Variants in KLHL35 observed in about 807,000 individuals in gnomAD.
The protein encoded by KLHL35 is kelch-like protein 35.
A neutral mutation model predicts 44.0 loss-of-function variants in KLHL35; 50 were observed. The observed-to-expected ratio is 1.14, with a 90% CI of 0.91 to 1.44. KLHL35 has a LOEUF of 1.44. KLHL35 is among the 40% of genes most tolerant of loss of function. The pLI is 0.00. For synonymous variants in KLHL35, 470 were observed against 410.4 expected (o/e 1.15, Z -1.76); for missense variants, 1,049 against 887.8 (o/e 1.18, Z -2.31).
chr11:75,423,153 A>G, intron 6 of KLHL35: 1 of 216,564 alleles, frequency 4.6e-6, no homozygotes, highest in Non-Finnish European at 9.3e-6. Flanking sequence ...CTCAGACTCA[A>G]GCCAGAAATC....
chr11:75,432,857 A>AGAT (rs1326697912), intron 1 of KLHL35, among the ~76,000 whole-genome samples, 186 bp downstream of exon 1: 2 of 152,152 alleles, frequency 1.3e-5, no homozygotes, highest in African/African-American at 4.8e-5. Flanking sequence ...GTCATGATGC[A>AGAT]GATTGAAGGG....
At position 75,425,506 on chromosome 11, in the gene KLHL35, A is replaced by T; in HGVS notation, c.1261T>A (p.Trp421Arg). 6.4e-7 allele frequency: 1 copy of T among 1,562,878 alleles called. No individual in the cohort carries two copies. The highest frequency in any genetic ancestry group is 8.6e-7 in the Non-Finnish European group (1 of 1,162,378). Residue 421 changes from tryptophan (W) to arginine (R), a missense_variant, in exon 5 of 7, where the codon TGG becomes AGG. Transcript: ENST00000539798. ...VERYDPFSNT[W>R]AAAAPLPEAV... ...TCCGGGAGGGGCGCGGCGGCCGCCC[A>T]GGTGTTGGAGAAGGGGTCGTAGCGC...
At position 75,430,213 on chromosome 11, in the gene KLHL35, G is replaced by T; in HGVS notation, c.417C>A (p.Arg139=). 1 of 1,229,184 alleles carries T rather than the reference G, an allele frequency of 8.1e-7. No homozygotes were observed. Among genetic ancestry groups the T allele is most frequent in the Non-Finnish European group, 1.0e-6 (1 of 981,764 alleles). 76.1% of individuals were successfully genotyped at this position (1,229,184 alleles called of 1,614,324 possible). ...CCTCGAGAAAGCGCACGCAGGCCTC[G>T]CGCAGGCCCGCCACGCCCAGCCGCT... ...LAERLGVAGL[R]EACVRFLEGR... Residue 139 remains arginine (R), a synonymous_variant, in exon 2 of 7, where the codon CGC becomes CGA. Transcript: ENST00000539798.
chr11:75,429,694 G>C, intron 2 of KLHL35, 55 bp downstream of exon 2: 5 of 1,399,152 alleles, frequency 3.6e-6, no homozygotes, highest in Non-Finnish European at 4.6e-6. Flanking sequence ...ATGAATGAGC[G>C]GTGGAAGCAG....
chr11:75,430,551 C>G lies in KLHL35; in HGVS notation c.79G>C (p.Val27Leu). ...PCAGPCHAQR[V>L]LQALNAYRRS... ...CGGTAGGCGTTCAGGGCCTGCAGCA[C>G]GCGCTGCGCGTGGCACGGACCCGCG... The change falls in exon 2 of 7, where the codon GTG (valine) becomes CTG (leucine). Residue 27 changes from valine (V) to leucine (L), a missense_variant. Coordinates refer to ENST00000539798, the MANE Select transcript of KLHL35 (RefSeq NM_001039548.3). 1.4e-6 allele frequency: 2 copies of G among 1,457,332 alleles called. No individual in the cohort carries two copies. Among genetic ancestry groups the G allele is most frequent in the Non-Finnish European group, 9.0e-7 (1 of 1,110,004 alleles). The allele number at this position is 1,457,332 out of a possible 1,614,324, so 90.3% of individuals were successfully genotyped here.
At chr11:75,423,926 A>C in intron 5 of KLHL35, 46 bp from the exon 6 acceptor site, 6 of 1,417,134 alleles carry the variant, frequency 4.2e-6, no homozygotes, top group Non-Finnish European at 5.7e-6. Context: ...GCCCCCCCCA[A>C]CAAATGCCCC....
chr11:75,423,966 G>T, intron 5 of KLHL35, 86 bp from the exon 6 acceptor site: 3 of 1,077,960 alleles, frequency 2.8e-6, no homozygotes, highest in Non-Finnish European at 3.9e-6. Context: ...CTCTCCCCCC[G>T]GGGGCACTCA....
intron 3 of KLHL35, chr11:75,426,938 CAA>C: frequency 3.8e-6 from 1 of 265,962 alleles, no homozygotes; most frequent in Non-Finnish European, 7.4e-6. Flanking sequence ...CTCAGGAAAG[CAA>C]AGAGGGGGCC....
Position 75,430,056 on chromosome 11 carries a change from G to A in KLHL35, c.574C>T (p.Leu192=), listed in dbSNP as rs2135084632. The A allele has an allele frequency of 7.1e-7, 1 of 1,400,882 alleles. No individual in the cohort carries two copies. Among genetic ancestry groups the A allele is most frequent in the Non-Finnish European group, 9.3e-7 (1 of 1,078,864 alleles). 86.8% of individuals were successfully genotyped at this position (1,400,882 alleles called of 1,614,324 possible). Residue 192 remains leucine, a synonymous_variant, in exon 2 of 7, where the codon CTG becomes TTG. Coordinates refer to ENST00000539798, the MANE Select transcript of KLHL35 (RefSeq NM_001039548.3). ...FAEVARHADF[L]ELAPDEVVAL... is the part of the protein sequence containing the mutation. Reference sequence around the variant, plus strand: ...ACCACCTCGTCAGGCGCCAGCTCCAGGAAGTCGGCGTGGCGCGCCACCTCG... The same window carrying A: ...ACCACCTCGTCAGGCGCCAGCTCCAAGAAGTCGGCGTGGCGCGCCACCTCG...
chr11:75,430,352 C>G lies in KLHL35; in HGVS notation c.278G>C (p.Gly93Ala). The part of the protein sequence containing the change: ...PVVPVAPEAP[G>A]TSPAGAAAAL... ...CGCCGCCGCCCCGGCCGGGCTCGTG[C>G]CTGGCGCCTCGGGAGCTACTGGCAC... The change falls in exon 2 of 7, where the codon GGC becomes GCC. Residue 93 changes from glycine (G) to alanine (A), a missense_variant. Physicochemically the swap from Gly to Ala is moderately conservative, Grantham distance 60 (BLOSUM62 0). Transcript: ENST00000539798. The G allele has an allele frequency of 7.6e-7, 1 of 1,320,308 alleles. No individual in the cohort carries two copies. Among genetic ancestry groups the G allele is most frequent in the Non-Finnish European group, 9.7e-7 (1 of 1,033,382 alleles). The allele number at this position is 1,320,308 out of a possible 1,614,324, so 81.8% of individuals were successfully genotyped here. A position where few individuals can be genotyped will look rare whatever the true frequency, so the allele number is the denominator to read the frequency against.
intron 3 of KLHL35, chr11:75,426,884 G>A (rs889289760): frequency 2.9e-5 from 11 of 375,912 alleles, no homozygotes; most frequent in Non-Finnish European, 4.5e-5. Context: ...GCTGGTTTTC[G>A]CCGGGCACCT....
Position 75,430,361 on chromosome 11 carries a change from T to C in KLHL35, c.269A>G (p.Glu90Gly). The change falls in exon 2 of 7, where the codon GAG becomes GGG. Residue 90 changes from glutamate (E) to glycine (G), a missense_variant. Coordinates refer to ENST00000539798, the MANE Select transcript of KLHL35 (RefSeq NM_001039548.3). ...AVVPVVPVAP[E>G]APGTSPAGAA... ...CCCGGCCGGGCTCGTGCCTGGCGCC[T>C]CGGGAGCTACTGGCACCACTGGCAC... is the stretch of plus-strand genomic sequence containing the variant. 2 of 1,332,522 alleles carry C rather than the reference T, an allele frequency of 1.5e-6. No individual in the cohort carries two copies. The highest frequency in any genetic ancestry group is 1.7e-5 in the South Asian group (1 of 58,216). The allele number at this position is 1,332,522 out of a possible 1,614,324, so 82.5% of individuals were successfully genotyped here. A position where few individuals can be genotyped will look rare whatever the true frequency, so the allele number is the denominator to read the frequency against.
chr11:75,428,398 A>C, intron 3 of KLHL35, 44 bp downstream of exon 3: 1 of 1,603,844 alleles, frequency 6.2e-7, no homozygotes, highest in Middle Eastern at 1.7e-4. Context: ...TGCGGAGGCT[A>C]CTAGTCAATC....
rs1038906441 is a variant in KLHL35 at position 75,430,078 on chromosome 11, C to A, written c.552G>T (p.Glu184Asp). ...CGRVLRQAFA[E>D]VARHADFLEL... ...CCAGGAAGTCGGCGTGGCGCGCCAC[C>A]TCGGCGAAGGCCTGACGCAGGACGC... The change falls in exon 2 of 7, where the codon GAG becomes GAT. Residue 184 changes from glutamate to aspartate, a missense_variant. Transcript: ENST00000539798. The A allele has an allele frequency of 2.9e-6, 4 of 1,387,308 alleles. No individual in the cohort carries two copies. Among genetic ancestry groups the A allele is most frequent in the African/African-American group, 3.0e-5 (2 of 65,656 alleles). The allele number at this position is 1,387,308 out of a possible 1,614,324, so 85.9% of individuals were successfully genotyped here. A position where few individuals can be genotyped will look rare whatever the true frequency, so the allele number is the denominator to read the frequency against.
chr11:75,422,852 CT>C (rs1948461796), intron 6 of KLHL35, 84 bp from the exon 7 acceptor site: 2 of 1,291,436 alleles, frequency 1.5e-6, no homozygotes, highest in Admixed American at 1.8e-5. Context: ...ATAATAGAAC[CT>C]TGACCCACAG....
chr11:75,426,436 G>T, intron 4 of KLHL35, 84 bp downstream of exon 4: 1 of 891,348 alleles, frequency 1.1e-6, no homozygotes, highest in Non-Finnish European at 1.7e-6. Flanking sequence ...TTCTTACAAA[G>T]AGAGGGTTTT....
chr11:75,433,117 G>A lies in KLHL35; in HGVS notation c.-76C>T, dbSNP rs1280983060. ...TCACTCCCGTTTGTGCCTGCCGCCC[G>A]CACCCCTGGCAGCCCAAGCTCCAGT... On this transcript the variant is annotated 5_prime_UTR_variant, in exon 1 of 7. Coordinates refer to ENST00000539798, the MANE Select transcript of KLHL35 (RefSeq NM_001039548.3). Among the ~76,000 whole-genome samples, 1 of 152,150 alleles carries A rather than the reference G, an allele frequency of 6.6e-6. No homozygotes were observed. The highest frequency in any genetic ancestry group is 6.5e-5 in the Admixed American group (1 of 15,274).
intron 2 of KLHL35, among the ~76,000 whole-genome samples, chr11:75,429,233 T>C (rs1209598520): frequency 1.3e-5 from 2 of 152,176 alleles, no homozygotes; most frequent in African/African-American, 4.8e-5. Context: ...TAGCCATTGG[T>C]TTTCTAATTC....
chr11:75,425,410 C>A lies in KLHL35; in HGVS notation c.1357G>T (p.Gly453Cys), dbSNP rs770116809. The change falls in exon 5 of 7, where the codon GGC (glycine) becomes TGC (cysteine). Residue 453 changes from glycine to cysteine, a missense_variant. Transcript: ENST00000539798. ...LFVIGGARQG[G>C]VNTDKVQCFD... Reference sequence around the variant, plus strand: ...ACGCCCACCTTGTCCGTGTTGACGCCGCCCTGCCTGGCGCCCCCAATCACG... The same window carrying A: ...ACGCCCACCTTGTCCGTGTTGACGCAGCCCTGCCTGGCGCCCCCAATCACG... 5.1e-6 allele frequency: 8 copies of A among 1,558,120 alleles called. No homozygotes were observed. The highest frequency in any genetic ancestry group is 6.9e-6 in the Non-Finnish European group (8 of 1,159,178).
Sources: gnomAD v4.1 joint callset for allele counts (sites outside exome capture counted in the v4.1 genomes callset) on GRCh38, gnomAD v4.1.1 for gene constraint, MANE v1.5 for transcripts, NCBI Gene and HGNC (gene_info 2026-07-23, HGNC 2026-07-21) for gene names.